Variants in SETX observed in about 807,000 individuals in gnomAD.
SETX encodes senataxin, also known as helicase senataxin.
A neutral mutation model predicts 227.2 loss-of-function variants in SETX; 90 were observed. That is an observed-to-expected ratio of 0.40 (90% CI 0.33 to 0.47). SETX has a LOEUF of 0.47. SETX is among the 20% of genes least tolerant of loss of function. SETX has a pLI of 0.91. For missense variants in SETX, 3,052 were observed against 3,181.5 expected (o/e 0.96, Z 0.98); for synonymous variants, 1,210 against 1,113.2 (o/e 1.09, Z -1.73).
intron 24 of SETX, among the ~76,000 whole-genome samples, chr9:132,270,523 G>A (rs1164000008): frequency 1.3e-5 from 2 of 152,180 alleles, no homozygotes; most frequent in Non-Finnish European, 1.5e-5. Context: ...CTTACTCTCC[G>A]TCCCAATACA....
intron 11 of SETX, among the ~76,000 whole-genome samples, chr9:132,308,849 T>G (rs949905724): frequency 4.6e-5 from 7 of 152,056 alleles, no homozygotes; most frequent in African/African-American, 1.7e-4. Context: ...ACTCAAAAAG[T>G]AGAGCAAGGT....
chr9:132,267,141 T>C (rs1842687442), intron 25 of SETX, among the ~76,000 whole-genome samples: 1 of 152,230 alleles, frequency 6.6e-6, no homozygotes, highest in Non-Finnish European at 1.5e-5. Context: ...TTATAATGAA[T>C]GGTTTCTTGA....
At chr9:132,275,182 T>C in intron 23 of SETX, 74 bp downstream of exon 23, 2 of 1,526,522 alleles carry the variant, frequency 1.3e-6, no homozygotes, top group Non-Finnish European at 1.8e-6. Flanking sequence ...AGAGTTTCCC[T>C]TTTCTTCTTT....
intron 4 of SETX, 71 bp downstream of exon 4, chr9:132,346,190 G>A (rs1010665036): frequency 2.0e-5 from 25 of 1,270,902 alleles, no homozygotes; most frequent in Non-Finnish European, 2.6e-5. Flanking sequence ...TTGCAATATA[G>A]ATAAGCCTAA....
At position 132,304,938 on chromosome 9, in the gene SETX, T is replaced by C. The variant is rs144619091; in HGVS notation, c.5375-4135A>G. Among the ~76,000 whole-genome samples, 490 of 151,386 alleles carry C rather than the reference T, an allele frequency of 3.2e-3. 2 individuals are homozygous for C. The highest frequency in any genetic ancestry group is 0.011 in the African/African-American group (471 of 41,196). ...CTTGAAGCCAGGAGGCGGGATGCAG[T>C]GAGCTGAGATCACACCACTGCACTT... On this transcript the variant is annotated intron_variant, in intron 11 of 25. Transcript: ENST00000224140.
intron 4 of SETX, among the ~76,000 whole-genome samples, chr9:132,343,080 G>A (rs1163756888): frequency 6.6e-6 from 1 of 152,056 alleles, no homozygotes; most frequent in Non-Finnish European, 1.5e-5. Context: ...AGCACTTTGG[G>A]AGGCCGAGGC....
chr9:132,325,158 C>T lies in SETX; in HGVS notation c.5274+1166G>A, dbSNP rs139511932. 1.8e-3 allele frequency among the ~76,000 whole-genome samples: 275 copies of T among 152,006 alleles called. 1 individual carries two copies. The highest frequency in any genetic ancestry group is 6.3e-3 in the African/African-American group (263 of 41,444). On this transcript the variant is annotated intron_variant, in intron 10 of 25. Coordinates refer to ENST00000224140, the MANE Select transcript of SETX (RefSeq NM_015046.7). ...GATCACAAGGTCAGGAGATTGAGAC[C>T]ATCCTGGCTAACATGGTGAAACCCC... is the stretch of plus-strand genomic sequence containing the variant.
chr9:132,290,083 C>T (rs961032659), intron 15 of SETX, among the ~76,000 whole-genome samples: 8 of 151,994 alleles, frequency 5.3e-5, no homozygotes, highest in South Asian at 2.1e-4. Flanking sequence ...GTGGCACACA[C>T]CTGTAATCTC....
chr9:132,291,469 A>G (rs1362110775), intron 15 of SETX, among the ~76,000 whole-genome samples: 1 of 152,046 alleles, frequency 6.6e-6, no homozygotes, highest in Non-Finnish European at 1.5e-5. Flanking sequence ...CCCGGCCTGA[A>G]AATTTCTTAA....
chr9:132,326,940 T>C lies in SETX; in HGVS notation c.4658A>G (p.Asp1553Gly), dbSNP rs1318690054. The change falls in exon 10 of 26, where the codon GAT (aspartate) becomes GGT (glycine). Residue 1553 changes from aspartate (D) to glycine (G), a missense_variant. This residue lies in a region of SETX where 1,483 missense variants were observed against 1,312.0 expected (regional missense o/e 1.13). Coordinates refer to ENST00000224140, the MANE Select transcript of SETX (RefSeq NM_015046.7). ...SLSGTKCKYK[D>G]CLETTKNQGE... Reference sequence around the variant, plus strand: ...CTGGTTTTTTGTGGTTTCAAGACAATCTTTGTACTTACACTTTGTGCCACT... The same window carrying C: ...CTGGTTTTTTGTGGTTTCAAGACAACCTTTGTACTTACACTTTGTGCCACT... 5.0e-6 allele frequency: 8 copies of C among 1,614,212 alleles called. No homozygotes were observed. Among genetic ancestry groups the C allele is most frequent in the Non-Finnish European group, 6.8e-6 (8 of 1,180,034 alleles).
At chr9:132,310,395 G>A (rs1845580729) in intron 11 of SETX, among the ~76,000 whole-genome samples, 1 of 152,170 alleles carries the variant, frequency 6.6e-6, no homozygotes, top group Non-Finnish European at 1.5e-5. Context: ...ATCTACTTCT[G>A]GATATAAACT....
rs112127247 is a variant in SETX, at chr9:132,326,968, A to C, written c.4630T>G (p.Leu1544Val). 1 of 1,614,248 alleles carries C rather than the reference A, an allele frequency of 6.2e-7. No individual in the cohort carries two copies. The highest frequency in any genetic ancestry group is 8.5e-7 in the Non-Finnish European group (1 of 1,180,050). ...DSVSRPQLES[L>V]SGTKCKYKDC... ...TTGTACTTACACTTTGTGCCACTCAAAGATTCCAACTGAGGCCGACTTACA... is the reference window on the plus strand; with the variant it reads ...TTGTACTTACACTTTGTGCCACTCACAGATTCCAACTGAGGCCGACTTACA... The change falls in exon 10 of 26, where the codon TTG (leucine) becomes GTG (valine). Residue 1544 changes from leucine (L) to valine (V), a missense_variant. Around this residue, in one of 10 missense-constraint regions of SETX, gnomAD observed 1,483 missense variants for 1,312.0 expected, o/e 1.13. Coordinates refer to ENST00000224140, the MANE Select transcript of SETX (RefSeq NM_015046.7).
intron 6 of SETX, among the ~76,000 whole-genome samples, 200 bp from the exon 7 acceptor site, chr9:132,334,927 T>C (rs1847494477): frequency 6.6e-6 from 1 of 152,142 alleles, no homozygotes; most frequent in Non-Finnish European, 1.5e-5. Context: ...AAGTACAAGA[T>C]GGTTAGAAAA....
Position 132,334,611 on chromosome 9 carries a change from C to G in SETX, c.835G>C (p.Asp279His). The change falls in exon 7 of 26, where the codon GAT becomes CAT. Residue 279 changes from aspartate to histidine, a missense_variant. Asp to His is a moderately conservative substitution (Grantham distance 81). Around this residue, in one of 10 missense-constraint regions of SETX, gnomAD observed 239 missense variants for 240.8 expected, o/e 0.99. Coordinates refer to ENST00000224140, the MANE Select transcript of SETX (RefSeq NM_015046.7). ...SILHTMEREA[D>H]DDSVDPFWPA... Reference sequence around the variant, plus strand: ...TTCAGCAAGTAAAGTTTATTACCATCTGCTTCCCTCTCCATAGTGTGAAGT... The same window carrying G: ...TTCAGCAAGTAAAGTTTATTACCATGTGCTTCCCTCTCCATAGTGTGAAGT... 1.2e-6 allele frequency: 2 copies of G among 1,614,056 alleles called. No individual in the cohort carries two copies. The highest frequency in any genetic ancestry group is 1.7e-6 in the Non-Finnish European group (2 of 1,179,954).
upstream of SETX, among the ~76,000 whole-genome samples, chr9:132,356,156 G>T (rs528533244): frequency 3.3e-5 from 5 of 152,094 alleles, no homozygotes; most frequent in Admixed American, 3.3e-4. Flanking sequence ...TCTCAGAAAA[G>T]TCTATAAATA....
intron 15 of SETX, among the ~76,000 whole-genome samples, chr9:132,293,858 T>C (rs1296759832): frequency 6.6e-6 from 1 of 151,854 alleles, no homozygotes; most frequent in Non-Finnish European, 1.5e-5. Flanking sequence ...CCGTCTCTAC[T>C]AAAAAAATAC....
chr9:132,313,015 ATG>A (rs1845754869), intron 10 of SETX, among the ~76,000 whole-genome samples: 1 of 152,200 alleles, frequency 6.6e-6, no homozygotes, highest in South Asian at 2.1e-4. Flanking sequence ...TTCTATATAC[ATG>A]ACATTTCCAG....
At position 132,333,412 on chromosome 9, in the gene SETX, T is replaced by A. The variant is rs1186181814; in HGVS notation, c.838+1196A>T. 8.6e-4 allele frequency among the ~76,000 whole-genome samples: 89 copies of A among 103,996 alleles called. 4 individuals are homozygous for A. The highest frequency in any genetic ancestry group is 3.5e-3 in the African/African-American group (79 of 22,288). The allele number at this position is 103,996 out of a possible 152,430, so 68.2% of individuals were successfully genotyped here. A position where few individuals can be genotyped will look rare whatever the true frequency, so the allele number is the denominator to read the frequency against. On this transcript the variant is annotated intron_variant, in intron 7 of 25. Transcript: ENST00000224140. ...AAAAAAAAAAAGAAAAAAAAAAATA[T>A]ATATACACACACACACACACACACA...
At chr9:132,265,369 G>T (rs984759505) in intron 25 of SETX, among the ~76,000 whole-genome samples, 19 of 151,690 alleles carry the variant, frequency 1.3e-4, no homozygotes, top group African/African-American at 4.4e-4. Context: ...GGGACTACAG[G>T]CACCCGCCAC....
Sources: allele counts gnomAD v4.1 joint callset (sites outside exome capture counted in the v4.1 genomes callset), GRCh38; gene constraint gnomAD v4.1.1; regional missense constraint gnomAD v4.1.1; transcripts MANE v1.5; gene names NCBI Gene and HGNC (gene_info 2026-07-23, HGNC 2026-07-21).